The following LGSN variants were observed in gnomAD, a reference collection of about 807,000 sequenced individuals.
LGSN encodes lengsin.
Under a neutral mutation model 19.5 loss-of-function variants are expected in LGSN, and 21 were observed. The ratio of observed to expected loss-of-function variants is 1.07; its 90% CI spans 0.76 to 1.55. LGSN has a LOEUF of 1.55. LGSN is among the 40% of genes most tolerant of loss of function. The pLI, the probability that LGSN is intolerant of heterozygous loss-of-function variation, is 0.00. For synonymous variants in LGSN, 257 were observed against 215.6 expected (o/e 1.19, Z -1.68); for missense variants, 673 against 608.5 (o/e 1.11, Z -1.12).
At chr6:63,363,321 G>A in the LGSN span, among the ~76,000 whole-genome samples, 1 of 152,220 alleles carries the variant, frequency 6.6e-6, no homozygotes, top group African/African-American at 2.4e-5. Flanking sequence ...CTCCTCACCA[G>A]CAACAGAACA....
At chr6:63,518,478 G>T in the LGSN span, among the ~76,000 whole-genome samples, 1 of 152,186 alleles carries the variant, frequency 6.6e-6, no homozygotes, top group African/African-American at 2.4e-5. Flanking sequence ...AGAGGTAAAG[G>T]ATAACAACCA....
At chr6:63,329,344 C>T in the LGSN span, among the ~76,000 whole-genome samples, 2 of 152,286 alleles carry the variant, frequency 1.3e-5, no homozygotes, top group Admixed American at 1.3e-4. Context: ...GAACGATGAA[C>T]CATTCTGCTT....
intron 1 of LGSN, 66 bp downstream of exon 1, chr6:63,319,848 G>A: frequency 8.9e-7 from 1 of 1,120,992 alleles, no homozygotes; most frequent in Non-Finnish European, 1.4e-6. Context: ...TCAAATAATT[G>A]ACATTTTTTA....
intron 1 of LGSN, among the ~76,000 whole-genome samples, chr6:63,309,830 T>C (rs763123483): frequency 6.6e-6 from 1 of 152,228 alleles, no homozygotes; most frequent in Non-Finnish European, 1.5e-5. Context: ...TAATTTTGTA[T>C]TCTTTGACCA....
intron 1 of LGSN, among the ~76,000 whole-genome samples, chr6:63,308,924 A>T (rs945290453): frequency 6.6e-6 from 1 of 152,240 alleles, no homozygotes; most frequent in African/African-American, 2.4e-5. Flanking sequence ...CAAAGACTAC[A>T]TCACAAACTT....
At chr6:63,331,828 G>C in the LGSN span, among the ~76,000 whole-genome samples, 7 of 152,126 alleles carry the variant, frequency 4.6e-5, no homozygotes, top group African/African-American at 1.7e-4. Context: ...CTAGACCACA[G>C]GGAGGACTGA....
the LGSN span, among the ~76,000 whole-genome samples, chr6:63,470,530 T>C: frequency 6.6e-6 from 1 of 151,848 alleles, no homozygotes; most frequent in Non-Finnish European, 1.5e-5. Flanking sequence ...CTCTGGGAGA[T>C]ACATAAATAT....
At chr6:63,504,379 C>G in the LGSN span, among the ~76,000 whole-genome samples, 1 of 152,096 alleles carries the variant, frequency 6.6e-6, no homozygotes, top group East Asian at 1.9e-4. Context: ...GTAACTGAGA[C>G]TACAGGTGCC....
At chr6:63,364,230 G>A in the LGSN span, among the ~76,000 whole-genome samples, 3 of 151,552 alleles carry the variant, frequency 2.0e-5, no homozygotes, top group Non-Finnish European at 4.4e-5. Flanking sequence ...AGGGATGGAG[G>A]AAGATCTACC....
chr6:63,489,577 C>A, the LGSN span, among the ~76,000 whole-genome samples: 1 of 152,222 alleles, frequency 6.6e-6, no homozygotes, highest in Non-Finnish European at 1.5e-5. Context: ...ACCTTGTTGG[C>A]CAGTCTGGTC....
chr6:63,354,079 G>T, the LGSN span, among the ~76,000 whole-genome samples: 1 of 152,046 alleles, frequency 6.6e-6, no homozygotes, highest in African/African-American at 2.4e-5. Context: ...TAGGGCATTG[G>T]TCTAGGCAAA....
rs533400983 is a variant in LGSN at position 63,287,412 on chromosome 6, G to C, written c.164-1659C>G. Among the ~76,000 whole-genome samples the C allele has an allele frequency of 2.0e-5, 3 of 152,228 alleles. No homozygotes were observed. The South Asian group carries it at 6.2e-4, about 32-fold the overall frequency. On this transcript the variant is annotated intron_variant, in intron 2 of 3. Transcript: ENST00000370657. ...AGGCATTTTAAAATATGGAAATTTG[G>C]GTCAGGCATGGTGGCTCACTCCTGT...
the LGSN span, among the ~76,000 whole-genome samples, chr6:63,523,221 T>C: frequency 1.8e-4 from 27 of 152,256 alleles, no homozygotes; most frequent in African/African-American, 6.3e-4. Context: ...AAAACAACTA[T>C]AAAGTAAGTG....
At chr6:63,302,775 T>C (rs890436136) in intron 1 of LGSN, among the ~76,000 whole-genome samples, 3 of 152,176 alleles carry the variant, frequency 2.0e-5, no homozygotes, top group African/African-American at 7.2e-5. Context: ...TGTGGACTCA[T>C]GGAGAGTCTG....
At chr6:63,543,679 C>T in the LGSN span, among the ~76,000 whole-genome samples, 1 of 152,080 alleles carries the variant, frequency 6.6e-6, no homozygotes, top group African/African-American at 2.4e-5. Context: ...GTCAAGAGCC[C>T]AATATTTGAG....
At chr6:63,501,909 C>A in the LGSN span, among the ~76,000 whole-genome samples, 1 of 152,192 alleles carries the variant, frequency 6.6e-6, no homozygotes, top group Non-Finnish European at 1.5e-5. Context: ...AATCCTCCCA[C>A]CTCAGCCTCC....
chr6:63,479,161 T>C, the LGSN span, among the ~76,000 whole-genome samples: 1 of 152,192 alleles, frequency 6.6e-6, no homozygotes, highest in Non-Finnish European at 1.5e-5. Context: ...TCAAGGGAGA[T>C]GGGCTTACTG....
chr6:63,339,808 C>A, the LGSN span, among the ~76,000 whole-genome samples: 1 of 151,960 alleles, frequency 6.6e-6, no homozygotes, highest in African/African-American at 2.4e-5. Context: ...GTAATGATAA[C>A]TTGATTTGTT....
the LGSN span, among the ~76,000 whole-genome samples, chr6:63,416,454 A>G: frequency 6.6e-6 from 1 of 152,232 alleles, no homozygotes; most frequent in Admixed American, 6.5e-5. Flanking sequence ...CCACTAATAA[A>G]TGAAATTTAA....
Sources: allele counts gnomAD v4.1 joint callset (sites outside exome capture counted in the v4.1 genomes callset), GRCh38; gene constraint gnomAD v4.1.1; transcripts MANE v1.5; gene names NCBI Gene and HGNC (gene_info 2026-07-23, HGNC 2026-07-21).